Variants in RNGTT observed in about 807,000 individuals in gnomAD.
RNGTT encodes RNA guanylyltransferase and 5'-phosphatase.
In RNGTT, 33 loss-of-function variants were observed where a neutral mutation model predicts 79.3. The ratio of observed to expected loss-of-function variants is 0.42; its 90% CI spans 0.32 to 0.56. The LOEUF is 0.56. Ranked by LOEUF, RNGTT falls within the 20% of genes least tolerant of loss-of-function variation. RNGTT has a pLI of 0.17. For missense variants in RNGTT, 497 were observed against 739.1 expected (o/e 0.67, Z 3.80); for synonymous variants, 222 against 235.9 (o/e 0.94, Z 0.54).
chr6:88,764,488 A>G (rs1778379032), intron 13 of RNGTT, among the ~76,000 whole-genome samples: 1 of 152,236 alleles, frequency 6.6e-6, no homozygotes, highest in Admixed American at 6.5e-5. Flanking sequence ...GGAAACACAT[A>G]CAGGAAGACA....
chr6:88,778,406 G>A (rs930355966), intron 12 of RNGTT, among the ~76,000 whole-genome samples: 62 of 116,528 alleles, frequency 5.3e-4, no homozygotes, highest in Non-Finnish European at 1.0e-3. Context: ...AAATACTTAG[G>A]AAGGAAAAAT....
chr6:88,750,449 G>C (rs1013667263), intron 13 of RNGTT, among the ~76,000 whole-genome samples: 3 of 152,254 alleles, frequency 2.0e-5, no homozygotes, highest in Non-Finnish European at 4.4e-5. Flanking sequence ...TACCTCATTG[G>C]ATCGTCAGGT....
chr6:88,615,965 C>A (rs12173865), intron 14 of RNGTT, among the ~76,000 whole-genome samples: 1,724 of 152,258 alleles, frequency 0.011, 57 homozygotes, highest in East Asian at 0.087. Context: ...TCTTGCAACA[C>A]TGAAATGCTA....
At chr6:88,668,706 T>C (rs1356929425) in intron 14 of RNGTT, among the ~76,000 whole-genome samples, 1 of 151,978 alleles carries the variant, frequency 6.6e-6, no homozygotes, top group Non-Finnish European at 1.5e-5. Context: ...TGAAATAAGA[T>C]TAAGAACTGA....
intron 11 of RNGTT, among the ~76,000 whole-genome samples, chr6:88,823,544 T>C (rs557111962): frequency 1.4e-4 from 21 of 151,386 alleles, no homozygotes; most frequent in Non-Finnish European, 2.2e-4. Context: ...ATATCCAAGA[T>C]ATGTAAAGAA....
Position 88,963,416 on chromosome 6 carries a change from G to C in RNGTT, c.-7C>G, listed in dbSNP as rs1265892565. On this transcript the variant is annotated 5_prime_UTR_variant, in exon 1 of 16. Coordinates refer to ENST00000369485, the MANE Select transcript of RNGTT (RefSeq NM_003800.5). ...GGATCTTGTTGTGAGCCATGTCTTG[G>C]GGCTGCGCAGAGCTGCCCTCCCTCA... 3 of 1,592,002 alleles carry C rather than the reference G, an allele frequency of 1.9e-6. No homozygotes were observed. The highest frequency in any genetic ancestry group is 2.6e-6 in the Non-Finnish European group (3 of 1,167,880).
At chr6:88,902,523 C>A (rs1262060320) in intron 6 of RNGTT, among the ~76,000 whole-genome samples, 5 of 151,344 alleles carry the variant, frequency 3.3e-5, no homozygotes, top group African/African-American at 1.2e-4. Flanking sequence ...GATCCCTTGA[C>A]CCCAGGGATC....
At chr6:88,895,019 T>C (rs1469039736) in intron 6 of RNGTT, among the ~76,000 whole-genome samples, 1 of 152,174 alleles carries the variant, frequency 6.6e-6, no homozygotes, top group Non-Finnish European at 1.5e-5. Flanking sequence ...TGACATTTAT[T>C]TTCACTTTTC....
chr6:88,813,201 C>T (rs1036065732), intron 11 of RNGTT, among the ~76,000 whole-genome samples: 9 of 152,234 alleles, frequency 5.9e-5, no homozygotes, highest in African/African-American at 2.2e-4. Flanking sequence ...ATATGGCCTA[C>T]TGGCGTTTGC....
At chr6:88,917,825 T>C (rs2127948772) in intron 4 of RNGTT, among the ~76,000 whole-genome samples, 1 of 152,174 alleles carries the variant, frequency 6.6e-6, no homozygotes. Context: ...AGGCAGAGAT[T>C]GCAGTGAGCT....
rs563915746 is a variant in RNGTT, at chr6:88,883,808, A to G, written c.896+6687T>C. 6.6e-5 allele frequency among the ~76,000 whole-genome samples: 10 copies of G among 152,328 alleles called. No individual in the cohort carries two copies. The South Asian group carries it at 2.1e-3, about 32-fold the overall frequency. ...AAACTTGACTTCATAAAAATAATAA[A>G]ATTTTGTATGGCAAAAAAACATGAA... On this transcript the variant is annotated intron_variant, in intron 8 of 15. Coordinates refer to ENST00000369485, the MANE Select transcript of RNGTT (RefSeq NM_003800.5).
chr6:88,735,907 T>A (rs1446226954), intron 13 of RNGTT, among the ~76,000 whole-genome samples: 1 of 152,072 alleles, frequency 6.6e-6, no homozygotes, highest in African/African-American at 2.4e-5. Flanking sequence ...TTTGAAAAGA[T>A]TTTTATAAAT....
At chr6:88,642,906 G>C (rs1448195918) in intron 14 of RNGTT, among the ~76,000 whole-genome samples, 1 of 152,172 alleles carries the variant, frequency 6.6e-6, no homozygotes, top group Non-Finnish European at 1.5e-5. Context: ...CCAGAGCTAA[G>C]TTTGAAAAAA....
intron 6 of RNGTT, among the ~76,000 whole-genome samples, chr6:88,902,407 C>G (rs1393485812): frequency 1.3e-5 from 2 of 151,918 alleles, no homozygotes; most frequent in Non-Finnish European, 1.5e-5. Flanking sequence ...GAAGACTATC[C>G]CTGCCAAAAT....
At chr6:88,904,074 C>T (rs532445055) in intron 6 of RNGTT, among the ~76,000 whole-genome samples, 1 of 152,226 alleles carries the variant, frequency 6.6e-6, no homozygotes, top group Admixed American at 6.5e-5. Flanking sequence ...AATTATGTGA[C>T]AATTTTGTAA....
chr6:88,939,599 T>C lies in RNGTT; in HGVS notation c.174+1472A>G, dbSNP rs558510627. ...TCCTTAGTATCAAAATTTTGAATTATCTGTCCACCATTTCATGAATTTTTT... is the reference window on the plus strand; with the variant it reads ...TCCTTAGTATCAAAATTTTGAATTACCTGTCCACCATTTCATGAATTTTTT... On this transcript the variant is annotated intron_variant, in intron 2 of 15. Coordinates refer to ENST00000369485, the MANE Select transcript of RNGTT (RefSeq NM_003800.5). Among the ~76,000 whole-genome samples, 19 of 152,280 alleles carry C rather than the reference T, an allele frequency of 1.2e-4. No individual in the cohort carries two copies. In the South Asian group the frequency reaches 3.9e-3, roughly 32 times the overall value.
At chr6:88,653,512 A>G (rs925293487) in intron 14 of RNGTT, among the ~76,000 whole-genome samples, 3 of 152,218 alleles carry the variant, frequency 2.0e-5, no homozygotes, top group African/African-American at 7.2e-5. Flanking sequence ...CAAAATCTAC[A>G]TTCCAAATAA....
At chr6:88,674,852 T>G (rs1774800229) in intron 14 of RNGTT, among the ~76,000 whole-genome samples, 1 of 152,072 alleles carries the variant, frequency 6.6e-6, no homozygotes, top group African/African-American at 2.4e-5. Context: ...ATCCCAGTAC[T>G]GTGGGAGGCT....
chr6:88,821,519 C>T (rs1384674107), intron 11 of RNGTT, among the ~76,000 whole-genome samples: 1 of 151,800 alleles, frequency 6.6e-6, no homozygotes, highest in African/African-American at 2.4e-5. Flanking sequence ...TATATAGAAG[C>T]ACATGTTAAG....
Sources: gnomAD v4.1 joint callset for allele counts (sites outside exome capture counted in the v4.1 genomes callset) on GRCh38, gnomAD v4.1.1 for gene constraint, MANE v1.5 for transcripts, NCBI Gene and HGNC (gene_info 2026-07-23, HGNC 2026-07-21) for gene names.